RAP1A: variants seen among roughly 807,000 people sequenced by gnomAD.
RAP1A encodes the protein ras-related protein Rap-1A.
In RAP1A, 6 loss-of-function variants were observed where a neutral mutation model predicts 26.4. The ratio of observed to expected loss-of-function variants is 0.23; its 90% CI spans 0.12 to 0.45. The LOEUF (loss-of-function observed/expected upper bound fraction) is 0.45, where lower values mean the gene tolerates loss of function less well. Among genes scored for constraint, RAP1A ranks in the 20% least tolerant of loss-of-function variants. The pLI is 0.99. For synonymous variants in RAP1A, 73 were observed against 79.4 expected, an observed-to-expected ratio of 0.92 and a Z score of 0.43; for missense variants, 121 against 217.2, an observed-to-expected ratio of 0.56 and a Z score of 2.78.
intron 1 of RAP1A, among the ~76,000 whole-genome samples, chr1:111,665,244 A>G (rs1660769345): frequency 1.3e-5 from 2 of 152,208 alleles, no homozygotes; most frequent in Admixed American, 1.3e-4. Context: ...AGTTATAATT[A>G]TGCATTTTTA....
intron 7 of RAP1A, among the ~76,000 whole-genome samples, chr1:111,711,232 A>C (rs1163185050): frequency 1.3e-5 from 2 of 152,312 alleles, no homozygotes; most frequent in South Asian, 4.1e-4. Flanking sequence ...AGATAGAGAA[A>C]ATGAAGACTC....
Position 111,636,273 on chromosome 1 carries a change from C to T in RAP1A, c.-28+16339C>T, listed in dbSNP as rs192466378. 8.6e-5 allele frequency among the ~76,000 whole-genome samples: 13 copies of T among 151,958 alleles called. No homozygotes were observed. The South Asian group carries it at 1.0e-3, about 12-fold the overall frequency. ...ACTGTTTCTTTGTGAATTTAGTGCC[C>T]GGGGAAAGCCAGTAGTTAATACTGG... On this transcript the variant is annotated intron_variant, in intron 1 of 7. Transcript: ENST00000369709.
intron 1 of RAP1A, among the ~76,000 whole-genome samples, chr1:111,581,995 G>T (rs932017165): frequency 6.6e-6 from 1 of 152,284 alleles, no homozygotes; most frequent in Non-Finnish European, 1.5e-5. Flanking sequence ...CTTGTCCAAG[G>T]TCACTCATCT....
intron 1 of RAP1A, among the ~76,000 whole-genome samples, chr1:111,573,582 A>AC (rs1412468325): frequency 6.6e-6 from 1 of 151,988 alleles, no homozygotes; most frequent in Non-Finnish European, 1.5e-5. Context: ...CAATCTGCCC[A>AC]CCTCAGCCTC....
At position 111,678,228 on chromosome 1, in the gene RAP1A, C is replaced by A. The variant is rs542159637; in HGVS notation, c.-27-13106C>A. ...TCAACATGAAGAGAATGACATCTTACTAATAATATGGGCAAATACTAATAT... is the reference window on the plus strand; with the variant it reads ...TCAACATGAAGAGAATGACATCTTAATAATAATATGGGCAAATACTAATAT... On this transcript the variant is annotated intron_variant, in intron 1 of 7. Coordinates refer to ENST00000369709, the MANE Select transcript of RAP1A (RefSeq NM_002884.4). Among the ~76,000 whole-genome samples the A allele has an allele frequency of 5.3e-5, 8 of 152,298 alleles. No individual in the cohort carries two copies. The South Asian group carries it at 1.4e-3, about 28-fold the overall frequency.
At chr1:111,563,007 A>AATT (rs544187702) in intron 1 of RAP1A, among the ~76,000 whole-genome samples, 1 of 152,348 alleles carries the variant, frequency 6.6e-6, no homozygotes, top group South Asian at 2.1e-4. Flanking sequence ...GCCTTTTATA[A>AATT]ATTATTATTA....
intron 1 of RAP1A, among the ~76,000 whole-genome samples, chr1:111,593,899 A>T (rs1422809992): frequency 6.6e-6 from 1 of 152,196 alleles, no homozygotes; most frequent in Non-Finnish European, 1.5e-5. Flanking sequence ...AAAAAGAATT[A>T]TAAAATGTCC....
intron 1 of RAP1A, among the ~76,000 whole-genome samples, chr1:111,561,236 A>G (rs992708358): frequency 6.6e-6 from 1 of 151,966 alleles, no homozygotes; most frequent in Non-Finnish European, 1.5e-5. Context: ...TGATCCTCCC[A>G]CTTCAGCCTC....
intron 1 of RAP1A, among the ~76,000 whole-genome samples, chr1:111,647,031 A>G (rs931225324): frequency 2.7e-4 from 41 of 152,244 alleles, no homozygotes; most frequent in African/African-American, 9.9e-4. Flanking sequence ...ATACCCTTAG[A>G]TCAGGGGTCT....
At chr1:111,571,388 G>GTTCAGGGGATGGGACTGAAAGTTCAGCCT (rs1658046308) in intron 1 of RAP1A, among the ~76,000 whole-genome samples, 1 of 152,128 alleles carries the variant, frequency 6.6e-6, no homozygotes, top group East Asian at 1.9e-4. Flanking sequence ...CCTTTCTGAA[G>GTTCAGGGGATGGGACTGAAAGTTCAGCCT]TTCAGGGGAT....
intron 1 of RAP1A, chr1:111,604,533 CATT>C (rs1374004435): frequency 6.6e-6 from 1 of 152,192 alleles, no homozygotes; most frequent in Non-Finnish European, 1.5e-5. Flanking sequence ...AAAAAGTCAT[CATT>C]ATCATCAAAA....
At chr1:111,664,555 T>C (rs920412649) in intron 1 of RAP1A, among the ~76,000 whole-genome samples, 6 of 152,100 alleles carry the variant, frequency 3.9e-5, no homozygotes, top group Admixed American at 3.3e-4. Context: ...TCCATGTCTA[T>C]AACATTCTGT....
intron 1 of RAP1A, among the ~76,000 whole-genome samples, chr1:111,607,958 T>C (rs1658832521): frequency 9.5e-6 from 1 of 105,802 alleles, no homozygotes; most frequent in African/African-American, 4.0e-5. Flanking sequence ...GAGGCGCCCC[T>C]CACCTCCCGG....
rs1350412265 is a variant in RAP1A at position 111,542,365 on chromosome 1, G to C, written c.-172G>C. 6.6e-5 allele frequency: 19 copies of C among 286,086 alleles called. 1 individual carries two copies. The highest frequency in any genetic ancestry group is 5.4e-4 in the South Asian group (17 of 31,288). 17.7% of individuals were successfully genotyped at this position (286,086 alleles called of 1,614,324 possible). On this transcript the variant is annotated 5_prime_UTR_variant, in exon 1 of 8. Transcript: ENST00000356415. ...TCCTTCCACGTGGGTGAAGGACTGT[G>C]CCAGCTGAGAGGTGGTAGAGCAGGA...
intron 1 of RAP1A, among the ~76,000 whole-genome samples, chr1:111,676,094 C>T (rs564788767): frequency 2.2e-4 from 33 of 152,266 alleles, no homozygotes; most frequent in African/African-American, 6.0e-4. Flanking sequence ...TGGTGGCTCA[C>T]GCCTGTAATC....
chr1:111,625,105 T>C (rs1659352180), intron 1 of RAP1A, among the ~76,000 whole-genome samples: 1 of 152,198 alleles, frequency 6.6e-6, no homozygotes, highest in Non-Finnish European at 1.5e-5. Context: ...TTCATAAGAA[T>C]AGCAGTATAT....
Position 111,697,427 on chromosome 1 carries a change from T to C in RAP1A, c.127-14T>C. ...TGTTACTCTTTAACCTTTTTTTTTT[T>C]TTTGCCCCCACAGCAAGTTGAAGTC... On this transcript the variant is annotated splice_polypyrimidine_tract_variant and intron_variant, in intron 3 of 7. Coordinates refer to ENST00000369709, the MANE Select transcript of RAP1A (RefSeq NM_002884.4). 1 of 1,612,462 alleles carries C rather than the reference T, an allele frequency of 6.2e-7. No homozygotes were observed.
At chr1:111,617,913 C>T (rs1659047958), upstream of RAP1A, among the ~76,000 whole-genome samples, 1 of 151,848 alleles carries the variant, frequency 6.6e-6, no homozygotes, top group Admixed American at 6.6e-5. Context: ...TGTGGTGGCA[C>T]ATGACTGTAA....
rs1658065480 is a variant in RAP1A at position 111,572,303 on chromosome 1, C to T, written c.-28+29794C>T. 2.6e-5 allele frequency among the ~76,000 whole-genome samples: 4 copies of T among 152,332 alleles called. No homozygotes were observed. In the South Asian group the frequency reaches 8.3e-4, roughly 32 times the overall value. ...CTCAGAGAGGATTGCCTGGGCCACC[C>T]CACAGCTTCCTACCATTCAAGTTTC... On this transcript the variant is annotated intron_variant, in intron 1 of 7. Transcript: ENST00000356415.
Sources: allele counts gnomAD v4.1 joint callset (sites outside exome capture counted in the v4.1 genomes callset), GRCh38; gene constraint gnomAD v4.1.1; transcripts MANE v1.5; gene names NCBI Gene and HGNC (gene_info 2026-07-23, HGNC 2026-07-21).